CFAP54: variants seen among roughly 807,000 people sequenced by gnomAD.
CFAP54 encodes the protein cilia and flagella associated protein 54, also known as cilia- and flagella-associated protein 54.
Under a neutral mutation model 370.4 loss-of-function variants are expected in CFAP54, and 290 were observed. That is an observed-to-expected ratio of 0.78 (90% CI 0.71 to 0.86). CFAP54 has a LOEUF of 0.86. CFAP54 is among the 40% of genes least tolerant of loss of function. The pLI, the probability that CFAP54 is intolerant of heterozygous loss-of-function variation, is 0.00. For synonymous variants in CFAP54, 1,206 were observed against 1,236.5 expected (o/e 0.98, Z 0.52); for missense variants, 3,399 against 3,528.7 (o/e 0.96, Z 0.93).
chr12:96,580,447 CT>C (rs1956021570), intron 20 of CFAP54, 149 bp from the exon 21 acceptor site: 4 of 464,300 alleles, frequency 8.6e-6, no homozygotes, highest in Non-Finnish European at 1.5e-5. Context: ...GTTACTTTTA[CT>C]CTTTAAAGAT....
Position 96,792,454 on chromosome 12 carries a change from G to A in CFAP54, c.8805G>A (p.Trp2935Ter), listed in dbSNP as rs1381980140. Reference protein sequence around the residue: ...QASNKELCFQWYIPPLDRPPK... With the variant: ...QASNKELCFQ ...CAAACAAAGAACTTTGCTTTCAATG[G>A]TACATTCCTCCCCTGGATAGACCTC... The change falls in exon 63 of 68, where the codon TGG becomes TGA. Residue 2935 changes from tryptophan (W) to a stop codon, truncating the protein, a stop_gained. Coordinates refer to ENST00000524981, the MANE Select transcript of CFAP54 (RefSeq NM_001306084.2). LOFTEE classifies it high-confidence loss of function. 1.3e-6 allele frequency: 2 copies of A among 1,535,806 alleles called. No homozygotes were observed. Among genetic ancestry groups the A allele is most frequent in the Non-Finnish European group, 1.7e-6 (2 of 1,146,754 alleles).
intron 62 of CFAP54, among the ~76,000 whole-genome samples, chr12:96,787,340 T>C (rs1311562757): frequency 6.7e-6 from 1 of 149,912 alleles, no homozygotes; most frequent in Admixed American, 6.7e-5. Context: ...AAATAAATAA[T>C]AGAGGTAACA....
Position 96,851,053 on chromosome 12 carries a change from G to A in CFAP54, c.9172-9766G>A, listed in dbSNP as rs146576156. Among the ~76,000 whole-genome samples the A allele has an allele frequency of 2.5e-4, 38 of 152,208 alleles. No homozygotes were observed. The East Asian group carries it at 7.2e-3, about 29-fold the overall frequency. ...GTGGGCTCACTTTAATACAGGTCCTGAAAGAAATACTTTACCTTTTAATGC... is the reference window on the plus strand; with the variant it reads ...GTGGGCTCACTTTAATACAGGTCCTAAAAGAAATACTTTACCTTTTAATGC... On this transcript the variant is annotated intron_variant, in intron 66 of 67. Transcript: ENST00000524981.
intron 60 of CFAP54, among the ~76,000 whole-genome samples, chr12:96,768,196 C>T (rs918380296): frequency 3.3e-5 from 5 of 152,086 alleles, no homozygotes; most frequent in African/African-American, 1.2e-4. Flanking sequence ...TGCTGCACAC[C>T]TGTAGTCCCA....
chr12:96,580,009 C>T (rs1751683764), intron 20 of CFAP54, among the ~76,000 whole-genome samples: 2 of 151,676 alleles, frequency 1.3e-5, no homozygotes, highest in African/African-American at 4.8e-5. Context: ...CCAAATCCTA[C>T]TGCTGTTCTT....
At chr12:96,738,810 C>G (rs1958013649) in intron 50 of CFAP54, among the ~76,000 whole-genome samples, 1 of 152,082 alleles carries the variant, frequency 6.6e-6, no homozygotes, top group African/African-American at 2.4e-5. Flanking sequence ...CTGGGTTTCA[C>G]CGTGTTAGCC....
chr12:96,550,124 T>C (rs987235710), intron 15 of CFAP54, among the ~76,000 whole-genome samples: 1 of 152,232 alleles, frequency 6.6e-6, no homozygotes, highest in African/African-American at 2.4e-5. Flanking sequence ...TAAAAGATTA[T>C]TAGTAAAGCA....
chr12:96,497,344 A>G (rs1954966155), intron 1 of CFAP54, among the ~76,000 whole-genome samples: 1 of 152,252 alleles, frequency 6.6e-6, no homozygotes, highest in Non-Finnish European at 1.5e-5. Flanking sequence ...TTGAAGGAGA[A>G]GAAGAAAGTT....
At chr12:96,869,279 A>C (rs1050229563) in intron 67 of CFAP54, among the ~76,000 whole-genome samples, 2 of 152,186 alleles carry the variant, frequency 1.3e-5, no homozygotes, top group African/African-American at 4.8e-5. Flanking sequence ...ATATTTTTCA[A>C]ATATATTTTG....
At chr12:96,610,819 A>C (rs815879) in intron 26 of CFAP54, among the ~76,000 whole-genome samples, 6,846 of 152,272 alleles carry the variant, frequency 0.045, 203 homozygotes, top group Non-Finnish European at 0.065. Flanking sequence ...CCGAGCTGCA[A>C]GGTGGCAGCA....
chr12:96,745,804 A>G (rs557346838), intron 55 of CFAP54, among the ~76,000 whole-genome samples: 1 of 152,366 alleles, frequency 6.6e-6, no homozygotes, highest in East Asian at 1.9e-4. Context: ...TCTTACAAAT[A>G]TAGGAATTGT....
intron 39 of CFAP54, among the ~76,000 whole-genome samples, chr12:96,664,302 G>A (rs145009734): frequency 2.0e-5 from 3 of 151,926 alleles, no homozygotes; most frequent in East Asian, 3.9e-4. Context: ...CCTCTGATAG[G>A]CCAGAGTGTG....
intron 26 of CFAP54, among the ~76,000 whole-genome samples, chr12:96,612,847 A>C (rs1282198542): frequency 6.6e-6 from 1 of 152,238 alleles, no homozygotes; most frequent in Non-Finnish European, 1.5e-5. Flanking sequence ...TGCACCCAAT[A>C]CAGAAGCACC....
intron 43 of CFAP54, among the ~76,000 whole-genome samples, chr12:96,690,050 G>T (rs913201889): frequency 2.6e-5 from 4 of 152,152 alleles, no homozygotes; most frequent in South Asian, 2.1e-4. Flanking sequence ...TTCTTACGTC[G>T]CATTCTTTAC....
At chr12:96,640,773 A>G (rs1485818634) in intron 32 of CFAP54, among the ~76,000 whole-genome samples, 3 of 152,238 alleles carry the variant, frequency 2.0e-5, no homozygotes, top group Non-Finnish European at 2.9e-5. Flanking sequence ...ATAATGCCAC[A>G]TATCTACAGC....
intron 8 of CFAP54, among the ~76,000 whole-genome samples, chr12:96,524,140 T>C (rs553566480): frequency 6.6e-6 from 1 of 152,306 alleles, no homozygotes; most frequent in East Asian, 1.9e-4. Context: ...TGTAAGTTGT[T>C]AACTTATAGT....
chr12:96,545,607 C>G (rs1227211648), intron 14 of CFAP54, among the ~76,000 whole-genome samples: 7 of 152,208 alleles, frequency 4.6e-5, no homozygotes, highest in African/African-American at 1.7e-4. Context: ...AGGAGAGCCT[C>G]CGTGACCCAG....
intron 63 of CFAP54, among the ~76,000 whole-genome samples, chr12:96,793,624 T>A (rs1958727618): frequency 6.6e-6 from 1 of 152,208 alleles, no homozygotes; most frequent in Non-Finnish European, 1.5e-5. Flanking sequence ...CTTTAGGGAA[T>A]TTCCACACTG....
In CFAP54 at chr12:96,708,769, C is replaced by A. The variant is rs377714757; in HGVS notation, c.6690C>A (p.Thr2230=). 2.7e-5 allele frequency: 43 copies of A among 1,605,910 alleles called. No individual in the cohort carries two copies. Among genetic ancestry groups the A allele is most frequent in the Non-Finnish European group, 3.7e-5 (43 of 1,176,668 alleles). ...AAAATAAATTTAAGACAGTAATTAC[C>A]AACAAGAGCAAACCAAACCTACCAA... The part of the protein sequence containing the change: ...VPENKFKTVI[T]NKSKPNLPNL... The change falls in exon 48 of 68, where the codon ACC becomes ACA. Residue 2230 remains threonine, a synonymous_variant. Transcript: ENST00000524981.
Sources: allele counts gnomAD v4.1 joint callset (sites outside exome capture counted in the v4.1 genomes callset), GRCh38; gene constraint gnomAD v4.1.1; transcripts MANE v1.5; gene names NCBI Gene and HGNC (gene_info 2026-07-23, HGNC 2026-07-21).